Variants in EIF4EBP1 observed in about 807,000 individuals in gnomAD.
The protein encoded by EIF4EBP1 is eukaryotic translation initiation factor 4E binding protein 1, also known as eukaryotic translation initiation factor 4E-binding protein 1.
In EIF4EBP1, 5 loss-of-function variants were observed where a neutral mutation model predicts 9.2. The observed-to-expected ratio is 0.54, with a 90% CI of 0.28 to 1.14. The LOEUF (loss-of-function observed/expected upper bound fraction) is 1.14. EIF4EBP1 is among the 50% of genes most tolerant of loss of function. EIF4EBP1 has a pLI of 0.09. For missense variants in EIF4EBP1, 139 were observed against 169.6 expected, an observed-to-expected ratio of 0.82 and a Z score of 1.00; for synonymous variants, 62 against 67.0, an observed-to-expected ratio of 0.93 and a Z score of 0.36.
chr8:38,053,745 T>G (rs952405693), intron 1 of EIF4EBP1, among the ~76,000 whole-genome samples: 1 of 152,180 alleles, frequency 6.6e-6, no homozygotes, highest in Non-Finnish European at 1.5e-5. Context: ...TCCTATCACA[T>G]GCTACAGTGT....
intron 1 of EIF4EBP1, among the ~76,000 whole-genome samples, chr8:38,053,748 T>C (rs1157280104): frequency 6.6e-6 from 1 of 152,168 alleles, no homozygotes; most frequent in African/African-American, 2.4e-5. Flanking sequence ...TATCACATGC[T>C]ACAGTGTGGA....
chr8:38,052,755 G>A (rs1219244247), intron 1 of EIF4EBP1, among the ~76,000 whole-genome samples: 1 of 151,370 alleles, frequency 6.6e-6, no homozygotes, highest in African/African-American at 2.4e-5. Context: ...GTCTTGCAAT[G>A]TTGCCCAGGC....
chr8:38,052,266 CT>C (rs879655309), intron 1 of EIF4EBP1, among the ~76,000 whole-genome samples: 528 of 143,378 alleles, frequency 3.7e-3, no homozygotes, highest in Non-Finnish European at 4.3e-3. Context: ...TAAGGTTTGT[CT>C]TTTTTTTTTT....
chr8:38,058,223 A>G (rs920466959), intron 2 of EIF4EBP1, among the ~76,000 whole-genome samples: 3 of 152,118 alleles, frequency 2.0e-5, no homozygotes, highest in African/African-American at 7.2e-5. Flanking sequence ...AAAATGGTTT[A>G]TTTCTTACAG....
intron 1 of EIF4EBP1, among the ~76,000 whole-genome samples, chr8:38,031,975 T>C (rs6994465): frequency 0.024 from 3,630 of 152,274 alleles, 153 homozygotes; most frequent in African/African-American, 0.082. Flanking sequence ...CTTGTTGCCA[T>C]TCCCGACTCA....
chr8:38,056,130 T>A (rs1344908523), intron 1 of EIF4EBP1, among the ~76,000 whole-genome samples: 1 of 152,106 alleles, frequency 6.6e-6, no homozygotes, highest in Non-Finnish European at 1.5e-5. Flanking sequence ...TAGCTGGGAC[T>A]ACAGGCACGT....
intron 1 of EIF4EBP1, among the ~76,000 whole-genome samples, chr8:38,056,371 A>G (rs1357949711): frequency 6.6e-6 from 1 of 152,206 alleles, no homozygotes. Flanking sequence ...TATTCTGGGT[A>G]TCCCACAGGA....
At chr8:38,058,707 T>G (rs995457851) in intron 2 of EIF4EBP1, among the ~76,000 whole-genome samples, 1 of 152,210 alleles carries the variant, frequency 6.6e-6, no homozygotes. Flanking sequence ...CATCTCAAGC[T>G]TAATTTCCTT....
At chr8:38,048,128 T>C (rs1809469987) in intron 1 of EIF4EBP1, among the ~76,000 whole-genome samples, 1 of 151,914 alleles carries the variant, frequency 6.6e-6, no homozygotes, top group Non-Finnish European at 1.5e-5. Context: ...AAAAATTAGC[T>C]GGGTGTGGTG....
intron 1 of EIF4EBP1, among the ~76,000 whole-genome samples, chr8:38,035,590 A>G (rs2130379550): frequency 6.6e-6 from 1 of 151,636 alleles, no homozygotes. Flanking sequence ...GTGCAGTGGC[A>G]TGATTTCAGC....
chr8:38,055,360 A>G (rs1809581837), intron 1 of EIF4EBP1, among the ~76,000 whole-genome samples: 1 of 152,208 alleles, frequency 6.6e-6, no homozygotes, highest in Non-Finnish European at 1.5e-5. Flanking sequence ...ATAAAGTGTA[A>G]GAAATGAATC....
intron 1 of EIF4EBP1, among the ~76,000 whole-genome samples, chr8:38,036,875 C>T (rs1809310277): frequency 6.6e-6 from 1 of 151,562 alleles, no homozygotes; most frequent in African/African-American, 2.4e-5. Flanking sequence ...GCCTCAAACT[C>T]CTGAGCTCAA....
chr8:38,059,795 T>A (rs996490366), intron 2 of EIF4EBP1, 109 bp from the exon 3 acceptor site: 9 of 1,062,050 alleles, frequency 8.5e-6, no homozygotes, highest in Non-Finnish European at 1.1e-5. Flanking sequence ...ACTTATTTTC[T>A]TTATAAATTA....
intron 1 of EIF4EBP1, among the ~76,000 whole-genome samples, chr8:38,047,658 T>C (rs1425686694): frequency 6.6e-6 from 1 of 152,144 alleles, no homozygotes; most frequent in African/African-American, 2.4e-5. Context: ...CTAATTTTTG[T>C]ATTTTTAGTA....
At chr8:38,052,963 A>T (rs565630233) in intron 1 of EIF4EBP1, among the ~76,000 whole-genome samples, 1 of 152,330 alleles carries the variant, frequency 6.6e-6, no homozygotes, top group South Asian at 2.1e-4. Context: ...TAACTGTGGT[A>T]GCCATAGAAC....
chr8:38,035,215 TTTATTA>T (rs1286898858), intron 1 of EIF4EBP1, among the ~76,000 whole-genome samples: 13 of 151,838 alleles, frequency 8.6e-5, no homozygotes, highest in African/African-American at 3.2e-4. Context: ...CAGACTCCTT[TTTATTA>T]TTATTATTAT....
At position 38,057,409 on chromosome 8, in the gene EIF4EBP1, G is replaced by C. The variant is rs151214024; in HGVS notation, c.325+149G>C. On this transcript the variant is annotated intron_variant, in intron 2 of 2. Transcript: ENST00000338825. ...GAGCAGCTCAGAGCCCAGAGGGTGA[G>C]AGTAGGGGTGGGGAGGTTGAACTCT... 146 of 994,516 alleles carry C rather than the reference G, an allele frequency of 1.5e-4. No homozygotes were observed. In the Middle Eastern group the frequency reaches 3.0e-3, roughly 20 times the overall value. 61.6% of individuals were successfully genotyped at this position (994,516 alleles called of 1,614,324 possible). A position where few individuals can be genotyped will look rare whatever the true frequency, so the allele number is the denominator to read the frequency against.
chr8:38,046,456 C>T (rs1809451055), intron 1 of EIF4EBP1, among the ~76,000 whole-genome samples: 1 of 152,186 alleles, frequency 6.6e-6, no homozygotes, highest in South Asian at 2.1e-4. Flanking sequence ...GGAGGGAGGA[C>T]ACCCTCACCC....
intron 1 of EIF4EBP1, among the ~76,000 whole-genome samples, chr8:38,046,078 T>C (rs951431587): frequency 5.3e-5 from 8 of 152,162 alleles, no homozygotes; most frequent in African/African-American, 1.7e-4. Context: ...AATTTTTGTA[T>C]GTTTAATAGA....
Sources: allele counts gnomAD v4.1 joint callset (sites outside exome capture counted in the v4.1 genomes callset), GRCh38; gene constraint gnomAD v4.1.1; transcripts MANE v1.5; gene names NCBI Gene and HGNC (gene_info 2026-07-23, HGNC 2026-07-21).